MYH2: variants seen among roughly 807,000 people sequenced by gnomAD.
The protein encoded by MYH2 is myosin heavy chain 2.
MYH2 carries 139 observed loss-of-function variants against 228.1 expected under a neutral mutation model. The ratio of observed to expected loss-of-function variants is 0.61; its 90% CI spans 0.53 to 0.70. The LOEUF (loss-of-function observed/expected upper bound fraction) is 0.70. Among genes scored for constraint, MYH2 ranks in the 30% least tolerant of loss-of-function variants. MYH2 has a pLI of 0.00. For missense variants in MYH2, 1,809 were observed against 2,357.5 expected (o/e 0.77, Z 4.82); for synonymous variants, 796 against 871.1 (o/e 0.91, Z 1.52).
At position 10,525,581 on chromosome 17, in the gene MYH2, C is replaced by T. The variant is rs144654838; in HGVS notation, c.4407G>A (p.Thr1469=). 1.7e-4 allele frequency: 277 copies of T among 1,614,068 alleles called. No individual in the cohort carries two copies. Among genetic ancestry groups the T allele is most frequent in the Non-Finnish European group, 2.2e-4 (254 of 1,180,038 alleles). ...LAEWKQKCEE[T]HAELEASQKE... is the part of the protein sequence containing the mutation. ...TCTGGGAGGCCTCAAGCTCAGCATG[C>T]GTTTCCTCACATTTCTGTTTCCATT... is the stretch of plus-strand genomic sequence containing the variant. The change falls in exon 32 of 40, where the codon ACG becomes ACA. Residue 1469 remains threonine, a synonymous_variant. Coordinates refer to ENST00000245503, the MANE Select transcript of MYH2 (RefSeq NM_017534.6). This position sits in a 1 kb window ranked among gnomAD's most constrained non-coding sequence, Gnocchi z 4.2.
rs2073495993 is a variant in MYH2, at chr17:10,537,485, T to C, written c.1645A>G (p.Thr549Ala). 1 of 1,614,076 alleles carries C rather than the reference T, an allele frequency of 6.2e-7. No individual in the cohort carries two copies. Among genetic ancestry groups the C allele is most frequent in the South Asian group, 1.1e-5 (1 of 91,086 alleles). The change falls in exon 16 of 40, where the codon ACC becomes GCC. Residue 549 changes from threonine (T) to alanine (A), a missense_variant. Coordinates refer to ENST00000245503, the MANE Select transcript of MYH2 (RefSeq NM_017534.6). The surrounding 1 kb of genome is among the most constrained non-coding windows in gnomAD (Gnocchi z 4.0). ...EECMFPKATD[T>A]SFKNKLYDQH... ...TCATACAGCTTGTTCTTGAAGGAGG[T>C]GTCTGTTGCCTTAGGGAACATGCAC... is the stretch of plus-strand genomic sequence containing the variant.
At chr17:10,540,851 G>C (rs11652345) in intron 10 of MYH2, among the ~76,000 whole-genome samples, 154 bp from the exon 11 acceptor site, 2 of 152,050 alleles carry the variant, frequency 1.3e-5, no homozygotes, top group Admixed American at 6.6e-5. Context: ...AACATAAGTT[G>C]TGAAGATTTC....
At chr17:10,526,467 C>G in intron 30 of MYH2, 132 bp downstream of exon 30, 1 of 1,409,296 alleles carries the variant, frequency 7.1e-7, no homozygotes, top group Non-Finnish European at 1.0e-6. Context: ...ATTCTCAGGG[C>G]CTGATTGTGA....
chr17:10,548,066 C>T (rs1567738871), intron 2 of MYH2, 126 bp from the exon 3 acceptor site: 1 of 797,252 alleles, frequency 1.3e-6, no homozygotes, highest in Non-Finnish European at 2.0e-6. Flanking sequence ...GTTCACCATA[C>T]TATAGTTACT....
At chr17:10,541,164 C>T (rs755641318) in intron 10 of MYH2, among the ~76,000 whole-genome samples, 18 of 152,146 alleles carry the variant, frequency 1.2e-4, no homozygotes, top group South Asian at 2.1e-4. Context: ...AGGATAACAG[C>T]GGTGTTCAGG....
At chr17:10,526,134 T>C (rs1247655408) in intron 30 of MYH2, among the ~76,000 whole-genome samples, 1 of 152,140 alleles carries the variant, frequency 6.6e-6, no homozygotes. Flanking sequence ...AGAACATCCG[T>C]AATAATACCT....
intron 21 of MYH2, among the ~76,000 whole-genome samples, chr17:10,532,959 A>G (rs553609603): frequency 1.3e-5 from 2 of 152,338 alleles, no homozygotes; most frequent in South Asian, 2.1e-4. Context: ...TTGCAGGTCA[A>G]TGTCCCTTAT....
chr17:10,529,195 G>A lies in MYH2; in HGVS notation c.3321C>T (p.Gly1107=). Residue 1107 remains glycine (G), a synonymous_variant, in exon 26 of 40, where the codon GGC becomes GGT. Transcript: ENST00000245503. The stretch of plus-strand genomic sequence containing the variant: ...CTTTAATTTTCTTCTGCAATTGAAT[G>A]CCAAGTGCCTGTTCATCTTCAATCT... ...QSKIEDEQAL[G]IQLQKKIKEL... 3 of 1,614,192 alleles carry A rather than the reference G, an allele frequency of 1.9e-6. No individual in the cohort carries two copies. The highest frequency in any genetic ancestry group is 1.7e-6 in the Non-Finnish European group (2 of 1,180,042).
Position 10,521,806 on chromosome 17 carries a change from T to C in MYH2, c.5674-374A>G, listed in dbSNP as rs137901247. 5.9e-5 allele frequency among the ~76,000 whole-genome samples: 9 copies of C among 152,214 alleles called. No individual in the cohort carries two copies. In the East Asian group the frequency reaches 1.7e-3, roughly 29 times the overall value. On this transcript the variant is annotated intron_variant, in intron 39 of 39. Transcript: ENST00000245503. The stretch of plus-strand genomic sequence containing the variant: ...TTTTTTATCATATTAAGAATGAACT[T>C]ATTAAGTTTTTAAAAATTGAAATAA...
Position 10,525,435 on chromosome 17 carries a change from T to C in MYH2, c.4537+16A>G. 6.2e-7 allele frequency: 1 copy of C among 1,614,154 alleles called. No homozygotes were observed. The highest frequency in any genetic ancestry group is 1.3e-5 in the African/African-American group (1 of 75,046). On this transcript the variant is annotated intron_variant, in intron 32 of 39. Coordinates refer to ENST00000245503, the MANE Select transcript of MYH2 (RefSeq NM_017534.6). The surrounding 1 kb of genome is among the most constrained non-coding windows in gnomAD (Gnocchi z 4.2). ...CTTCCAAGTTATGAATATTATTGAA[T>C]ATGATAGGGACTTACGCTGTAAGTT...
intron 21 of MYH2, among the ~76,000 whole-genome samples, chr17:10,532,397 A>G (rs984894862): frequency 3.9e-5 from 6 of 152,144 alleles, no homozygotes; most frequent in Admixed American, 3.9e-4. Flanking sequence ...ATCTGGCTTT[A>G]TATGTTAATG....
chr17:10,523,942 A>C, intron 35 of MYH2, 58 bp from the exon 36 acceptor site: 1 of 1,546,576 alleles, frequency 6.5e-7, no homozygotes, highest in Non-Finnish European at 8.8e-7. Context: ...TTTATTGGTA[A>C]CCACTTCTTG....
Position 10,529,440 on chromosome 17 carries a change from G to A in MYH2, c.3159C>T (p.Asp1053=), listed in dbSNP as rs2073397291. 6.2e-7 allele frequency: 1 copy of A among 1,613,992 alleles called. No homozygotes were observed. Among genetic ancestry groups the A allele is most frequent in the Non-Finnish European group, 8.5e-7 (1 of 1,180,038 alleles). Reference sequence around the variant, plus strand: ...CAAGTTTCCTCTTAGCCCTTTCTAGGTCCATGCGAAGTTTCTTTTCTTGCT... The same window carrying A: ...CAAGTTTCCTCTTAGCCCTTTCTAGATCCATGCGAAGTTTCTTTTCTTGCT... ...SLEQEKKLRM[D]LERAKRKLEG... Residue 1053 remains aspartate (D), a synonymous_variant, in exon 25 of 40, where the codon GAC becomes GAT. Coordinates refer to ENST00000245503, the MANE Select transcript of MYH2 (RefSeq NM_017534.6).
At position 10,535,204 on chromosome 17, in the gene MYH2, T is replaced by C; in HGVS notation, c.2063-14A>G. On this transcript the variant is annotated splice_polypyrimidine_tract_variant and intron_variant, in intron 18 of 39. Coordinates refer to ENST00000245503, the MANE Select transcript of MYH2 (RefSeq NM_017534.6). Reference sequence around the variant, plus strand: ...GCTCCATGGCACCTAAAAATGCATATTTATTTCACTGCAGAGCTGTTGAAA... The same window carrying C: ...GCTCCATGGCACCTAAAAATGCATACTTATTTCACTGCAGAGCTGTTGAAA... 6.2e-7 allele frequency: 1 copy of C among 1,614,124 alleles called. No homozygotes were observed. Among genetic ancestry groups the C allele is most frequent in the Non-Finnish European group, 8.5e-7 (1 of 1,179,976 alleles).
chr17:10,541,680 G>C (rs1325139622), intron 10 of MYH2, among the ~76,000 whole-genome samples: 1 of 152,106 alleles, frequency 6.6e-6, no homozygotes, highest in African/African-American at 2.4e-5. Context: ...ATAAAAACTT[G>C]CTGGTTTTGT....
rs1278464384 is a variant in MYH2 at position 10,537,566 on chromosome 17, A to G, written c.1588-24T>C. On this transcript the variant is annotated intron_variant, in intron 15 of 39. Coordinates refer to ENST00000245503, the MANE Select transcript of MYH2 (RefSeq NM_017534.6). This position sits in a 1 kb window ranked among gnomAD's most constrained non-coding sequence, Gnocchi z 4.0. ...GGCTAAAAAGCAGACCACAACACAA[A>G]ATTGTACTTCTATTTTTTTTTCTGT... The G allele has an allele frequency of 1.9e-6, 3 of 1,614,038 alleles. No individual in the cohort carries two copies. Among genetic ancestry groups the G allele is most frequent in the Non-Finnish European group, 2.5e-6 (3 of 1,180,016 alleles).
At chr17:10,546,255 T>TTATATATATATATATATATATA (rs1376514619) in intron 4 of MYH2, among the ~76,000 whole-genome samples, 28 of 27,150 alleles carry the variant, frequency 1.0e-3, no homozygotes, top group South Asian at 5.7e-3. Context: ...GGACACGAAA[T>TTATATATATATATATATATATA]GATATATATA....
intron 6 of MYH2, 37 bp from the exon 7 acceptor site, chr17:10,544,053 C>G (rs928455234): frequency 3.1e-6 from 5 of 1,614,084 alleles, no homozygotes; most frequent in Non-Finnish European, 3.4e-6. Flanking sequence ...TGGTCTCAAA[C>G]CTAGCAGCTA....
chr17:10,533,225 G>A, intron 21 of MYH2, 60 bp downstream of exon 21: 1 of 1,606,530 alleles, frequency 6.2e-7, no homozygotes, highest in Non-Finnish European at 8.5e-7. Context: ...AGTCTTAACT[G>A]TAAGCCATTT....
Sources: gnomAD v4.1 joint callset for allele counts (sites outside exome capture counted in the v4.1 genomes callset) on GRCh38, gnomAD v4.1.1 for gene constraint, Gnocchi (gnomAD v3.1) non-coding constraint, MANE v1.5 for transcripts, NCBI Gene and HGNC (gene_info 2026-07-23, HGNC 2026-07-21) for gene names.